CASR: variants seen among roughly 807,000 people sequenced by gnomAD.
CASR encodes calcium sensing receptor.
A neutral mutation model predicts 69.1 loss-of-function variants in CASR; 23 were observed. That is an observed-to-expected ratio of 0.33 (90% confidence interval 0.24 to 0.47). The LOEUF is 0.47. Ranked by LOEUF, CASR falls within the 20% of genes least tolerant of loss-of-function variation. The pLI is 1.00. For missense variants in CASR, 924 were observed against 1,356.1 expected (o/e 0.68, Z 5.00); for synonymous variants, 541 against 544.7 (o/e 0.99, Z 0.10).
intron 1 of CASR, among the ~76,000 whole-genome samples, chr3:122,202,463 A>G (rs2073966839): frequency 6.7e-6 from 1 of 149,830 alleles, no homozygotes; most frequent in South Asian, 2.1e-4. Context: ...CCATGGGGAG[A>G]GGGAGAGGGA....
rs1314687068 is a variant in CASR, at chr3:122,286,634, C to T, written c.*1443C>T. 2.0e-5 allele frequency: 3 copies of T among 152,228 alleles called. No individual in the cohort carries two copies. The highest frequency in any genetic ancestry group is 4.4e-5 in the Non-Finnish European group (3 of 68,036). 9.4% of individuals were successfully genotyped at this position (152,228 alleles called of 1,614,324 possible). On this transcript the variant is annotated 3_prime_UTR_variant, in exon 7 of 7. Transcript: ENST00000639785. ...ATAAGCCCAAGAGCTCTGGGCCCAA[C>T]ACATGGGGTCAGCCATAGTATCACT...
At chr3:122,212,468 G>A (rs1055255687) in intron 1 of CASR, among the ~76,000 whole-genome samples, 3 of 152,106 alleles carry the variant, frequency 2.0e-5, no homozygotes, top group East Asian at 3.8e-4. Context: ...TTAATACCTA[G>A]GTGATGGGTT....
chr3:122,219,428 C>G (rs1403603315), intron 1 of CASR, among the ~76,000 whole-genome samples: 1 of 152,192 alleles, frequency 6.6e-6, no homozygotes, highest in Non-Finnish European at 1.5e-5. Context: ...TATGATTCAT[C>G]TCACCAGACC....
At chr3:122,213,129 G>A (rs199523185) in intron 1 of CASR, among the ~76,000 whole-genome samples, 1 of 152,274 alleles carries the variant, frequency 6.6e-6, no homozygotes, top group East Asian at 1.9e-4. Flanking sequence ...AGGGCCAGAT[G>A]CCCTCTTGGC....
chr3:122,268,057 A>T (rs1463170902), intron 4 of CASR, among the ~76,000 whole-genome samples: 1 of 152,202 alleles, frequency 6.6e-6, no homozygotes, highest in Non-Finnish European at 1.5e-5. Flanking sequence ...AACAGTTTGG[A>T]ATCTCAAGCC....
At chr3:122,282,698 T>C (rs1415082239) in intron 6 of CASR, among the ~76,000 whole-genome samples, 1 of 152,248 alleles carries the variant, frequency 6.6e-6, no homozygotes, top group Non-Finnish European at 1.5e-5. Flanking sequence ...ATTAGATGAT[T>C]AATATTGGTA....
chr3:122,273,221 G>A (rs956378635), intron 4 of CASR, among the ~76,000 whole-genome samples: 1 of 152,184 alleles, frequency 6.6e-6, no homozygotes, highest in Non-Finnish European at 1.5e-5. Flanking sequence ...ATTTGCCATG[G>A]ACACTGTAAG....
At chr3:122,196,282 T>C (rs1180890447) in intron 1 of CASR, among the ~76,000 whole-genome samples, 1 of 152,088 alleles carries the variant, frequency 6.6e-6, no homozygotes, top group Non-Finnish European at 1.5e-5. Flanking sequence ...TAACATACCA[T>C]AGGATTTCAG....
At chr3:122,252,413 G>GAAAGAAAGAAAGAAAGAAAGAAAGA (rs2074501538) in intron 1 of CASR, among the ~76,000 whole-genome samples, 1 of 20,700 alleles carries the variant, frequency 4.8e-5, no homozygotes, top group Non-Finnish European at 1.0e-4. Context: ...GAAGGAAAAA[G>GAAAGAAAGAAAGAAAGAAAGAAAGA]AAAGAAAGAA....
At chr3:122,212,074 A>G (rs555638646) in intron 1 of CASR, among the ~76,000 whole-genome samples, 2 of 152,352 alleles carry the variant, frequency 1.3e-5, no homozygotes, top group African/African-American at 2.4e-5. Flanking sequence ...ACCCAAAGGA[A>G]TATAAATCAT....
At chr3:122,208,772 A>G (rs1311533672) in intron 1 of CASR, among the ~76,000 whole-genome samples, 2 of 152,070 alleles carry the variant, frequency 1.3e-5, no homozygotes, top group African/African-American at 4.8e-5. Flanking sequence ...CTTTCCCTCC[A>G]GCACTGAATG....
At chr3:122,276,985 C>G (rs1359684711) in intron 5 of CASR, among the ~76,000 whole-genome samples, 1 of 144,938 alleles carries the variant, frequency 6.9e-6, no homozygotes, top group African/African-American at 2.5e-5. Context: ...GGATAAGACC[C>G]ACCACATTTC....
intron 1 of CASR, among the ~76,000 whole-genome samples, chr3:122,202,317 C>T (rs1438894053): frequency 2.6e-5 from 4 of 152,208 alleles, no homozygotes; most frequent in Non-Finnish European, 1.5e-5. Flanking sequence ...ACTGGGCAGG[C>T]TGAGGCAGGA....
chr3:122,248,176 C>T lies in CASR; in HGVS notation c.-242-5772C>T, dbSNP rs34361487. ...GCCCTCATTTTAAAACAACATGTGCCTTGCTTTGGTACAGAAGGAATGAAG... is the reference window on the plus strand; with the variant it reads ...GCCCTCATTTTAAAACAACATGTGCTTTGCTTTGGTACAGAAGGAATGAAG... On this transcript the variant is annotated intron_variant, in intron 1 of 6. Coordinates refer to ENST00000639785, the MANE Select transcript of CASR (RefSeq NM_000388.4). 3.1e-3 allele frequency among the ~76,000 whole-genome samples: 468 copies of T among 152,268 alleles called. 2 individuals carry two copies. The highest frequency in any genetic ancestry group is 0.011 in the African/African-American group (446 of 41,548).
intron 1 of CASR, among the ~76,000 whole-genome samples, chr3:122,207,618 A>G (rs1355656443): frequency 2.0e-5 from 3 of 152,120 alleles, no homozygotes; most frequent in Non-Finnish European, 4.4e-5. Flanking sequence ...AATGTCTTGA[A>G]ATGAATGAAA....
At chr3:122,225,946 C>G (rs2074218454) in intron 1 of CASR, among the ~76,000 whole-genome samples, 1 of 152,210 alleles carries the variant, frequency 6.6e-6, no homozygotes, top group Admixed American at 6.5e-5. Context: ...AGCTAGAGGC[C>G]TTTATCCTAA....
rs1216002832 is a variant in CASR at position 122,287,026 on chromosome 3, C to T, written c.*1835C>T. 6.6e-6 allele frequency: 1 copy of T among 152,242 alleles called. No homozygotes were observed. The highest frequency in any genetic ancestry group is 1.5e-5 in the Non-Finnish European group (1 of 68,064). The allele number at this position is 152,242 out of a possible 1,614,324, so 9.4% of individuals were successfully genotyped here. ...TGACCCAAGTGAGGTGCCTGCTCCC[C>T]ACCTAGGAAGGGCACCGGCCCCCAC... On this transcript the variant is annotated 3_prime_UTR_variant, in exon 7 of 7. Transcript: ENST00000639785.
Position 122,253,983 on chromosome 3 carries a change from C to T in CASR, c.-207C>T, listed in dbSNP as rs1576851937. ...AGGAGGCCTCTGCATGATGTGGCTT[C>T]CAAAGACTCAAGGACCACCCACATT... On this transcript the variant is annotated 5_prime_UTR_variant, in exon 2 of 7. Transcript: ENST00000639785. The T allele has an allele frequency of 3.3e-6, 2 of 614,746 alleles. No homozygotes were observed. The allele number at this position is 614,746 out of a possible 1,614,324, so 38.1% of individuals were successfully genotyped here.
intron 3 of CASR, among the ~76,000 whole-genome samples, chr3:122,259,775 G>T (rs967924750): frequency 1.3e-5 from 2 of 151,868 alleles, no homozygotes; most frequent in Admixed American, 1.3e-4. Context: ...GACTACAGGC[G>T]CCCGCCACCA....
Sources: gnomAD v4.1 joint callset for allele counts (sites outside exome capture counted in the v4.1 genomes callset) on GRCh38, gnomAD v4.1.1 for gene constraint, MANE v1.5 for transcripts, NCBI Gene and HGNC (gene_info 2026-07-23, HGNC 2026-07-21) for gene names.